MARCHF1: variants seen among roughly 807,000 people sequenced by gnomAD.
The protein encoded by MARCHF1 is E3 ubiquitin-protein ligase MARCHF1.
In MARCHF1, 40 loss-of-function variants were observed where a neutral mutation model predicts 54.2. That is an observed-to-expected ratio of 0.74 (90% CI 0.57 to 0.96). The LOEUF (loss-of-function observed/expected upper bound fraction) is 0.96, where lower values mean the gene tolerates loss of function less well. MARCHF1 is among the 40% of genes least tolerant of loss of function. The pLI, the probability that MARCHF1 is intolerant of heterozygous loss-of-function variation, is 0.00. For missense variants in MARCHF1, 586 were observed against 656.5 expected (o/e 0.89, Z 1.17); for synonymous variants, 236 against 236.3 (o/e 1.00, Z 0.01).
intron 1 of MARCHF1, among the ~76,000 whole-genome samples, chr4:164,202,157 C>T (rs909008567): frequency 4.6e-5 from 7 of 152,156 alleles, no homozygotes; most frequent in African/African-American, 1.7e-4. Flanking sequence ...GAGCCAAGAG[C>T]TTAGGGAGCT....
At chr4:164,351,592 C>T (rs1053367165) in intron 1 of MARCHF1, among the ~76,000 whole-genome samples, 1 of 152,098 alleles carries the variant, frequency 6.6e-6, no homozygotes, top group South Asian at 2.1e-4. Context: ...AAAGGACATC[C>T]ACACCAAAAA....
chr4:164,263,954 A>T (rs899529090), intron 1 of MARCHF1, among the ~76,000 whole-genome samples: 6 of 152,214 alleles, frequency 3.9e-5, no homozygotes, highest in African/African-American at 1.2e-4. Flanking sequence ...AAGAGCTAAA[A>T]GCAGAGTTAC....
At chr4:163,717,329 T>A (rs1745296413) in intron 4 of MARCHF1, among the ~76,000 whole-genome samples, 2 of 151,724 alleles carry the variant, frequency 1.3e-5, no homozygotes, top group Admixed American at 1.3e-4. Flanking sequence ...CATGAACTCA[T>A]CATTTTTTAT....
intron 4 of MARCHF1, among the ~76,000 whole-genome samples, chr4:163,836,974 G>A (rs191447584): frequency 1.5e-4 from 23 of 152,152 alleles, no homozygotes; most frequent in Admixed American, 1.3e-3. Context: ...ATACAGGACT[G>A]AATTAGAGAA....
intron 2 of MARCHF1, among the ~76,000 whole-genome samples, chr4:164,031,904 T>C (rs1753885322): frequency 6.6e-6 from 1 of 152,210 alleles, no homozygotes; most frequent in South Asian, 2.1e-4. Context: ...TCAGAAGGAA[T>C]AGTACCAGCT....
At chr4:163,832,998 T>C (rs1244346987) in intron 4 of MARCHF1, among the ~76,000 whole-genome samples, 4 of 152,104 alleles carry the variant, frequency 2.6e-5, no homozygotes, top group Admixed American at 1.3e-4. Context: ...CATTGTTGGA[T>C]ATTTGGGTTG....
chr4:164,000,645 CA>C (rs1238454730), intron 2 of MARCHF1, among the ~76,000 whole-genome samples: 2 of 151,530 alleles, frequency 1.3e-5, no homozygotes, highest in African/African-American at 4.8e-5. Flanking sequence ...GTGGAGGTTA[CA>C]TTAAAGAAGA....
chr4:164,150,307 AAGCACT>A (rs1381689471), intron 1 of MARCHF1, among the ~76,000 whole-genome samples: 4 of 152,278 alleles, frequency 2.6e-5, no homozygotes, highest in African/African-American at 9.6e-5. Flanking sequence ...TGCAAAAGTA[AAGCACT>A]AATTTCAAGT....
chr4:163,758,323 C>T (rs1746736289), intron 4 of MARCHF1, among the ~76,000 whole-genome samples: 1 of 152,116 alleles, frequency 6.6e-6, no homozygotes, highest in African/African-American at 2.4e-5. Context: ...TTTCCAATCT[C>T]ACATCTTAGG....
chr4:163,602,018 G>T (rs1740988531), intron 7 of MARCHF1, among the ~76,000 whole-genome samples: 1 of 151,352 alleles, frequency 6.6e-6, no homozygotes, highest in Non-Finnish European at 1.5e-5. Flanking sequence ...AAAAAAAACT[G>T]CTAAGAACAA....
chr4:164,004,837 T>G (rs1338539327), intron 2 of MARCHF1, among the ~76,000 whole-genome samples: 1 of 152,042 alleles, frequency 6.6e-6, no homozygotes, highest in African/African-American at 2.4e-5. Flanking sequence ...TGAGATGTAC[T>G]TAAATAAGTG....
At chr4:163,611,367 T>A (rs969039034) in intron 7 of MARCHF1, among the ~76,000 whole-genome samples, 1 of 152,074 alleles carries the variant, frequency 6.6e-6, no homozygotes, top group Non-Finnish European at 1.5e-5. Context: ...CTTCTCTGGG[T>A]CACGTAATTC....
In MARCHF1 at chr4:164,101,168, C is replaced by T. The variant is rs1407546108; in HGVS notation, c.-248+10420G>A. Among the ~76,000 whole-genome samples the T allele has an allele frequency of 3.3e-5, 5 of 152,284 alleles. No homozygotes were observed. The East Asian group carries it at 7.8e-4, about 24-fold the overall frequency. On this transcript the variant is annotated intron_variant, in intron 2 of 9. Transcript: ENST00000514618. ...GGCAGTCTGAGATCAAACTGCAAGG[C>T]AGCAGCGAGGCCGGGGGAGGGGCAC...
At chr4:163,649,118 G>A (rs567527448) in intron 5 of MARCHF1, among the ~76,000 whole-genome samples, 9 of 152,020 alleles carry the variant, frequency 5.9e-5, no homozygotes, top group African/African-American at 2.2e-4. Flanking sequence ...TATTTCTGGT[G>A]AATTAGGTAC....
chr4:164,375,138 C>T (rs1578911447), intron 1 of MARCHF1, among the ~76,000 whole-genome samples: 2 of 152,194 alleles, frequency 1.3e-5, no homozygotes, highest in East Asian at 3.9e-4. Flanking sequence ...TTCATTAAAA[C>T]CTAAATACAA....
chr4:164,313,528 G>C (rs183474481), intron 1 of MARCHF1, among the ~76,000 whole-genome samples: 2 of 152,022 alleles, frequency 1.3e-5, no homozygotes, highest in Non-Finnish European at 2.9e-5. Context: ...TAGAAATAAA[G>C]GAACAAAGCC....
intron 3 of MARCHF1, among the ~76,000 whole-genome samples, chr4:163,867,061 G>A (rs979396553): frequency 6.6e-6 from 1 of 151,764 alleles, no homozygotes; most frequent in African/African-American, 2.4e-5. Context: ...AAATTGCCTG[G>A]AGATTAGGGT....
At chr4:164,131,006 C>T (rs543052556) in intron 1 of MARCHF1, among the ~76,000 whole-genome samples, 1 of 152,094 alleles carries the variant, frequency 6.6e-6, no homozygotes, top group South Asian at 2.1e-4. Flanking sequence ...TGACTCATTC[C>T]CCTCTTTGGG....
chr4:163,600,495 G>A (rs1030218899), intron 7 of MARCHF1, among the ~76,000 whole-genome samples: 1 of 152,146 alleles, frequency 6.6e-6, no homozygotes, highest in African/African-American at 2.4e-5. Context: ...TCTAACTGGT[G>A]GAGTTTTGAG....
Sources: gnomAD v4.1 joint callset for allele counts (sites outside exome capture counted in the v4.1 genomes callset) on GRCh38, gnomAD v4.1.1 for gene constraint, MANE v1.5 for transcripts, NCBI Gene and HGNC (gene_info 2026-07-23, HGNC 2026-07-21) for gene names.